Variants in CHRM2 observed in about 807,000 individuals in gnomAD.
CHRM2 encodes the protein cholinergic receptor muscarinic 2, also known as muscarinic acetylcholine receptor M2.
In CHRM2, 8 loss-of-function variants were observed where a neutral mutation model predicts 25.0. The observed-to-expected ratio is 0.32, with a 90% CI of 0.19 to 0.58. CHRM2 has a LOEUF of 0.58. Among genes scored for constraint, CHRM2 ranks in the 20% least tolerant of loss-of-function variants. The pLI is 0.88. For synonymous variants in CHRM2, 202 were observed against 205.7 expected, an observed-to-expected ratio of 0.98 and a Z score of 0.15; for missense variants, 440 against 567.1, an observed-to-expected ratio of 0.78 and a Z score of 2.28.
At chr7:136,925,770 C>T (rs1798712974) in intron 2 of CHRM2, among the ~76,000 whole-genome samples, 1 of 152,204 alleles carries the variant, frequency 6.6e-6, no homozygotes, top group Admixed American at 6.5e-5. Flanking sequence ...ACTGCATCTC[C>T]TTTTCCTCTG....
chr7:136,978,514 C>T (rs1411647065), intron 2 of CHRM2, among the ~76,000 whole-genome samples: 1 of 152,160 alleles, frequency 6.6e-6, no homozygotes, highest in East Asian at 1.9e-4. Flanking sequence ...AGGTTTGTTA[C>T]ATAGGTATAC....
At chr7:137,001,592 A>C (rs1163849134) in intron 3 of CHRM2, among the ~76,000 whole-genome samples, 1 of 152,178 alleles carries the variant, frequency 6.6e-6, no homozygotes, top group East Asian at 1.9e-4. Flanking sequence ...GGGGATGCAC[A>C]GACCTTTCAT....
At chr7:136,952,701 T>A (rs746611598) in intron 2 of CHRM2, among the ~76,000 whole-genome samples, 41 of 152,180 alleles carry the variant, frequency 2.7e-4, no homozygotes, top group Non-Finnish European at 5.1e-4. Flanking sequence ...TAGTTGTTTT[T>A]CCTGATCCTC....
chr7:136,894,704 T>C (rs941236987), intron 2 of CHRM2, among the ~76,000 whole-genome samples: 2 of 152,178 alleles, frequency 1.3e-5, no homozygotes, highest in Admixed American at 1.3e-4. Flanking sequence ...TCTACATACA[T>C]TTATTTTTCA....
intron 2 of CHRM2, among the ~76,000 whole-genome samples, chr7:136,893,818 A>G (rs1796787703): frequency 6.6e-6 from 1 of 152,196 alleles, no homozygotes; most frequent in Non-Finnish European, 1.5e-5. Flanking sequence ...TGGAAGCTCT[A>G]TCCTCTCTGA....
intron 3 of CHRM2, among the ~76,000 whole-genome samples, chr7:137,004,453 G>C (rs893936665): frequency 1.3e-5 from 2 of 152,134 alleles, no homozygotes; most frequent in African/African-American, 4.8e-5. Context: ...CAGGTATTTG[G>C]AGAGTCTGGA....
chr7:136,949,098 A>C (rs1800237306), intron 2 of CHRM2, among the ~76,000 whole-genome samples: 1 of 152,164 alleles, frequency 6.6e-6, no homozygotes, highest in Non-Finnish European at 1.5e-5. Context: ...GTGTCCTTGG[A>C]TAGATGGCCT....
chr7:136,922,678 T>C (rs979366238), intron 2 of CHRM2, among the ~76,000 whole-genome samples: 1 of 152,220 alleles, frequency 6.6e-6, no homozygotes, highest in African/African-American at 2.4e-5. Flanking sequence ...TGGCAACTTA[T>C]CTTTTAATTG....
chr7:136,926,725 C>T (rs1162225151), intron 2 of CHRM2, among the ~76,000 whole-genome samples: 1 of 152,180 alleles, frequency 6.6e-6, no homozygotes, highest in Non-Finnish European at 1.5e-5. Flanking sequence ...TTTATTATAT[C>T]TGTCTCAACT....
intron 2 of CHRM2, among the ~76,000 whole-genome samples, chr7:136,968,699 TTATA>T (rs1801568816): frequency 7.1e-6 from 1 of 141,078 alleles, no homozygotes; most frequent in South Asian, 2.2e-4. Context: ...ATATATTTTA[TTATA>T]TATATTGTAT....
At chr7:137,008,840 C>T (rs542680575) in intron 3 of CHRM2, among the ~76,000 whole-genome samples, 6 of 152,072 alleles carry the variant, frequency 3.9e-5, no homozygotes, top group Admixed American at 2.6e-4. Context: ...ACCATGGATT[C>T]GTTTTTTCTT....
intron 2 of CHRM2, among the ~76,000 whole-genome samples, chr7:136,970,197 T>G (rs915801702): frequency 5.3e-5 from 8 of 152,202 alleles, no homozygotes; most frequent in African/African-American, 1.2e-4. Flanking sequence ...TAAGAAAATG[T>G]GCCTGTATGA....
At chr7:136,894,785 T>TC (rs1796827970) in intron 2 of CHRM2, among the ~76,000 whole-genome samples, 1 of 152,190 alleles carries the variant, frequency 6.6e-6, no homozygotes, top group Admixed American at 6.5e-5. Context: ...TTTGTAAGTG[T>TC]CCAACACTTA....
chr7:136,888,220 T>C (rs1006622689), intron 2 of CHRM2, among the ~76,000 whole-genome samples: 14 of 152,230 alleles, frequency 9.2e-5, no homozygotes, highest in African/African-American at 2.4e-4. Flanking sequence ...GCTTAGTCCA[T>C]GGACCCCTAT....
At position 136,940,320 on chromosome 7, in the gene CHRM2, G is replaced by A. The variant is rs73158748; in HGVS notation, c.-124-51867G>A. On this transcript the variant is annotated intron_variant, in intron 2 of 3. Transcript: ENST00000680005. ...GTATTTGAAGCAGTACAGTATACTC[G>A]CGTTGAACAGATCAGAGAGGAAGCC... 5.3e-3 allele frequency among the ~76,000 whole-genome samples: 802 copies of A among 152,268 alleles called. 6 individuals carry two copies. Among genetic ancestry groups the A allele is most frequent in the South Asian group, 0.012 (60 of 4,828 alleles).
intron 2 of CHRM2, among the ~76,000 whole-genome samples, chr7:136,968,721 A>AATATATATATATATATAT (rs57962090): frequency 2.1e-5 from 3 of 142,478 alleles, no homozygotes. Context: ...TATTATCATA[A>AATATATATATATATATAT]ATATATATAT....
At chr7:136,991,944 A>G (rs557923737) in intron 2 of CHRM2, among the ~76,000 whole-genome samples, 7 of 152,198 alleles carry the variant, frequency 4.6e-5, no homozygotes, top group South Asian at 4.2e-4. Flanking sequence ...CTTTGAGTAC[A>G]TGTGATTCTA....
At chr7:136,946,568 CATATTTT>C (rs892754684) in intron 2 of CHRM2, among the ~76,000 whole-genome samples, 1 of 152,100 alleles carries the variant, frequency 6.6e-6, no homozygotes, top group African/African-American at 2.4e-5. Flanking sequence ...GGGAAAAACT[CATATTTT>C]TGTTTTTGTG....
At chr7:136,984,094 C>T (rs1339436680) in intron 2 of CHRM2, among the ~76,000 whole-genome samples, 1 of 152,142 alleles carries the variant, frequency 6.6e-6, no homozygotes, top group African/African-American at 2.4e-5. Flanking sequence ...TTATCTATAA[C>T]CCCCTGACTG....
Sources: gnomAD v4.1 joint callset for allele counts (sites outside exome capture counted in the v4.1 genomes callset) on GRCh38, gnomAD v4.1.1 for gene constraint, MANE v1.5 for transcripts, NCBI Gene and HGNC (gene_info 2026-07-23, HGNC 2026-07-21) for gene names.